NTM: variants seen among roughly 807,000 people sequenced by gnomAD.
NTM encodes neurotrimin.
In NTM, 13 loss-of-function variants were observed where a neutral mutation model predicts 42.1. The ratio of observed to expected loss-of-function variants is 0.31; its 90% CI spans 0.20 to 0.49. The LOEUF (loss-of-function observed/expected upper bound fraction) is 0.49, where lower values mean the gene tolerates loss of function less well. Among genes scored for constraint, NTM ranks in the 20% least tolerant of loss-of-function variants. NTM has a pLI of 0.99. For missense variants in NTM, 373 were observed against 452.8 expected, an observed-to-expected ratio of 0.82 and a Z score of 1.60; for synonymous variants, 187 against 179.2, an observed-to-expected ratio of 1.04 and a Z score of -0.35.
chr11:131,789,728 A>AGGTG (rs2090582025), intron 1 of NTM, among the ~76,000 whole-genome samples: 1 of 148,326 alleles, frequency 6.7e-6, no homozygotes, highest in South Asian at 2.1e-4. Flanking sequence ...AGGTGGAGGC[A>AGGTG]GGCGGATCAC....
chr11:131,911,696 G>A (rs1273003639), intron 2 of NTM, 48 bp downstream of exon 2: 3 of 1,611,960 alleles, frequency 1.9e-6, no homozygotes, highest in African/African-American at 2.7e-5. Flanking sequence ...TATGGGGTCG[G>A]GGTAAGGGGC....
chr11:131,814,702 T>G (rs1357210273), intron 1 of NTM, among the ~76,000 whole-genome samples: 4 of 152,208 alleles, frequency 2.6e-5, no homozygotes, highest in Admixed American at 2.6e-4. Context: ...GCCCACTCCT[T>G]GCTGCGCGTC....
intron 4 of NTM, among the ~76,000 whole-genome samples, chr11:132,288,899 G>A (rs541331689): frequency 6.6e-6 from 1 of 152,284 alleles, no homozygotes; most frequent in South Asian, 2.1e-4. Context: ...GGGATTATAG[G>A]AGTGAGCCAC....
chr11:132,290,843 A>G (rs2094433282), intron 4 of NTM, among the ~76,000 whole-genome samples: 2 of 152,222 alleles, frequency 1.3e-5, no homozygotes, highest in Non-Finnish European at 2.9e-5. Context: ...ATACGAGCTG[A>G]ACTTAAGCTG....
At chr11:131,421,826 T>TA (rs1947562538) in intron 1 of NTM, among the ~76,000 whole-genome samples, 1 of 152,230 alleles carries the variant, frequency 6.6e-6, no homozygotes, top group Admixed American at 6.5e-5. Flanking sequence ...TTCTTATGAA[T>TA]ACACATGAGG....
Position 132,310,185 on chromosome 11 carries a change from C to G in NTM, c.735C>G (p.Ala245=). 1.2e-6 allele frequency: 2 copies of G among 1,610,956 alleles called. No homozygotes were observed. The highest frequency in any genetic ancestry group is 1.7e-6 in the Non-Finnish European group (2 of 1,178,760). Reference sequence around the variant, plus strand: ...AAAAGGGGACACTGCAGTGTGAAGCCTCAGCAGTCCCCTCAGCAGAATTCC... The same window carrying G: ...AAAAGGGGACACTGCAGTGTGAAGCGTCAGCAGTCCCCTCAGCAGAATTCC... ...VGQKGTLQCE[A]SAVPSAEFQW... The change falls in exon 6 of 9, where the codon GCC becomes GCG. Residue 245 remains alanine, a synonymous_variant. Coordinates refer to ENST00000683400, the MANE Select transcript of NTM (RefSeq NM_001352005.2).
At chr11:131,464,030 T>A (rs976632696) in intron 1 of NTM, among the ~76,000 whole-genome samples, 1 of 152,234 alleles carries the variant, frequency 6.6e-6, no homozygotes, top group Non-Finnish European at 1.5e-5. Flanking sequence ...GGTGCTTGGC[T>A]TTCTAGGCAG....
At chr11:132,084,787 T>G (rs546425360) in intron 2 of NTM, among the ~76,000 whole-genome samples, 3 of 152,234 alleles carry the variant, frequency 2.0e-5, no homozygotes, top group Non-Finnish European at 4.4e-5. Context: ...AAATATTTCA[T>G]TATCTTTTAC....
In NTM at chr11:131,959,671, G is replaced by A. The variant is rs145375349; in HGVS notation, c.167+48023G>A. On this transcript the variant is annotated intron_variant, in intron 2 of 8. Coordinates refer to ENST00000683400, the MANE Select transcript of NTM (RefSeq NM_001352005.2). The stretch of plus-strand genomic sequence containing the variant: ...TTTTCCTGCGGGTGAATATTCTCAT[G>A]AGTAAACCACCTCATCAACCACTCT... 5.7e-3 allele frequency among the ~76,000 whole-genome samples: 867 copies of A among 152,212 alleles called. 10 individuals are homozygous for A. Among genetic ancestry groups the A allele is most frequent in the African/African-American group, 0.018 (758 of 41,524 alleles).
chr11:132,328,677 A>T (rs1417712880), intron 7 of NTM, among the ~76,000 whole-genome samples: 1 of 152,080 alleles, frequency 6.6e-6, no homozygotes, highest in Non-Finnish European at 1.5e-5. Context: ...TTTGGGGGTA[A>T]AAGTTTTATG....
intron 4 of NTM, among the ~76,000 whole-genome samples, chr11:132,278,743 T>TTCTCTCTC (rs66748602): frequency 0.098 from 13,513 of 137,454 alleles, 960 homozygotes; most frequent in East Asian, 0.25. Flanking sequence ...TCATTTGGGC[T>TTCTCTCTC]TCTCTCTCTC....
At chr11:131,463,013 T>A (rs567042222) in intron 1 of NTM, among the ~76,000 whole-genome samples, 1 of 149,784 alleles carries the variant, frequency 6.7e-6, no homozygotes, top group African/African-American at 2.5e-5. Context: ...ATACAACCTC[T>A]CCACATCTTC....
At position 131,604,215 on chromosome 11, in the gene NTM, C is replaced by T. The variant is rs549418144; in HGVS notation, c.82+233327C>T. ...TATGATCTGTCTTTTTTTACTATAA[C>T]CTTCCTCGTGGGTGTGAAGTGGTAT... On this transcript the variant is annotated intron_variant, in intron 1 of 8. Coordinates refer to ENST00000683400, the MANE Select transcript of NTM (RefSeq NM_001352005.2). 2.0e-3 allele frequency among the ~76,000 whole-genome samples: 309 copies of T among 152,242 alleles called. 4 individuals carry two copies. The highest frequency in any genetic ancestry group is 7.0e-3 in the African/African-American group (293 of 41,562).
At chr11:132,270,475 G>A (rs113873348) in intron 4 of NTM, among the ~76,000 whole-genome samples, 32 of 152,056 alleles carry the variant, frequency 2.1e-4, no homozygotes, top group African/African-American at 6.0e-4. Flanking sequence ...GTGATCAGCC[G>A]ATCTTGGCCT....
intron 2 of NTM, among the ~76,000 whole-genome samples, chr11:132,038,990 G>A (rs776941037): frequency 1.3e-5 from 2 of 152,158 alleles, no homozygotes; most frequent in East Asian, 1.9e-4. Flanking sequence ...CTCAAGTCTT[G>A]CTCCGTGTCT....
intron 8 of NTM, among the ~76,000 whole-genome samples, chr11:132,333,939 G>A (rs922186946): frequency 2.6e-5 from 4 of 152,198 alleles, no homozygotes; most frequent in Non-Finnish European, 2.9e-5. Context: ...TGTATCCAAC[G>A]CTGAGCATCC....
intron 1 of NTM, among the ~76,000 whole-genome samples, chr11:131,562,649 C>T (rs1235273040): frequency 1.3e-5 from 2 of 152,208 alleles, no homozygotes; most frequent in Non-Finnish European, 1.5e-5. Context: ...TTCACTTTCG[C>T]TACTTTTCCT....
intron 7 of NTM, among the ~76,000 whole-genome samples, chr11:132,316,966 A>AAGTT (rs2095445079): frequency 1.3e-5 from 2 of 152,212 alleles, no homozygotes; most frequent in South Asian, 4.1e-4. Context: ...CTTCTTGATG[A>AAGTT]AGTTAGAAAG....
At chr11:132,187,465 CT>C (rs2078615824) in intron 3 of NTM, among the ~76,000 whole-genome samples, 1 of 152,164 alleles carries the variant, frequency 6.6e-6, no homozygotes, top group Non-Finnish European at 1.5e-5. Context: ...TTTAGGCAGC[CT>C]GATAAAAGGC....
Sources: allele counts gnomAD v4.1 joint callset (sites outside exome capture counted in the v4.1 genomes callset), GRCh38; gene constraint gnomAD v4.1.1; transcripts MANE v1.5; gene names NCBI Gene and HGNC (gene_info 2026-07-23, HGNC 2026-07-21).